LRP3: variants seen among roughly 807,000 people sequenced by gnomAD.
LRP3 encodes low-density lipoprotein receptor-related protein 3.
Under a neutral mutation model 58.5 loss-of-function variants are expected in LRP3, and 49 were observed. That is an observed-to-expected ratio of 0.84 (90% CI 0.67 to 1.06). LRP3 has a LOEUF of 1.06. LRP3 is among the 50% of genes least tolerant of loss of function. The pLI, the probability that LRP3 is intolerant of heterozygous loss-of-function variation, is 0.00. For synonymous variants in LRP3, 485 were observed against 492.2 expected (o/e 0.99, Z 0.20); for missense variants, 1,019 against 1,134.2 (o/e 0.90, Z 1.46).
intron 2 of LRP3, among the ~76,000 whole-genome samples, chr19:33,199,463 A>G (rs539402412): frequency 7.1e-6 from 1 of 140,292 alleles, no homozygotes; most frequent in Non-Finnish European, 1.6e-5. Context: ...ACAGAGCAAG[A>G]TCTTGTCTCA....
Position 33,194,706 on chromosome 19 carries a change from A to T in LRP3, c.-80A>T. ...GAGCCCGAGCCCGAGCCGCAGCCAGAGCCAGAGCCGGAGCCGCAGCCGGAA... is the reference window on the plus strand; with the variant it reads ...GAGCCCGAGCCCGAGCCGCAGCCAGTGCCAGAGCCGGAGCCGCAGCCGGAA... On this transcript the variant is annotated 5_prime_UTR_variant, in exon 1 of 7. Transcript: ENST00000253193. 1 of 395,828 alleles carries T rather than the reference A, an allele frequency of 2.5e-6. No individual in the cohort carries two copies. The highest frequency in any genetic ancestry group is 3.4e-6 in the Non-Finnish European group (1 of 291,654). The allele number at this position is 395,828 out of a possible 1,614,324, so 24.5% of individuals were successfully genotyped here.
intron 3 of LRP3, 25 bp from the exon 4 acceptor site, chr19:33,204,613 C>T: frequency 6.4e-7 from 1 of 1,553,940 alleles, no homozygotes; most frequent in Non-Finnish European, 8.8e-7. Context: ...TGCCTCATGT[C>T]TGGGTCCTCT....
chr19:33,204,937 C>T (rs1271591421), intron 4 of LRP3, 85 bp downstream of exon 4: 3 of 1,277,540 alleles, frequency 2.3e-6, no homozygotes, highest in Non-Finnish European at 3.3e-6. Context: ...GCGGCACCCT[C>T]CACAGGGCCC....
rs1210886604 is a variant in LRP3 at position 33,202,926 on chromosome 19, C to T, written c.200C>T (p.Pro67Leu). 1.6e-5 allele frequency: 25 copies of T among 1,611,930 alleles called. No homozygotes were observed. The highest frequency in any genetic ancestry group is 4.0e-5 in the African/African-American group (3 of 74,878). Residue 67 changes from proline (P) to leucine (L), a missense_variant, in exon 3 of 7, where the codon CCG becomes CTG. Coordinates refer to ENST00000253193, the MANE Select transcript of LRP3 (RefSeq NM_002333.4). ...IYSPAWPLNY[P>L]PGTNCSWYIQ... ...AGCCCGGCCTGGCCCCTCAACTACC[C>T]GCCAGGCACCAACTGCAGCTGGTAC... is the stretch of plus-strand genomic sequence containing the variant.
intron 6 of LRP3, 79 bp downstream of exon 6, chr19:33,206,812 G>T: frequency 7.0e-7 from 1 of 1,433,722 alleles, no homozygotes. Context: ...GGGGTCACAG[G>T]AGCAGGAGGC....
intron 6 of LRP3, 65 bp from the exon 7 acceptor site, chr19:33,206,923 C>A: frequency 7.8e-7 from 1 of 1,281,598 alleles, no homozygotes; most frequent in South Asian, 1.6e-5. Context: ...CTGTCTCCTG[C>A]CCCTGAGCAG....
intron 3 of LRP3, 84 bp from the exon 4 acceptor site, chr19:33,204,554 C>T: frequency 1.9e-6 from 2 of 1,026,464 alleles, no homozygotes; most frequent in Non-Finnish European, 2.9e-6. Context: ...GGCCGTGGCT[C>T]CAGCCTGACC....
At chr19:33,197,125 A>G (rs1974294234) in intron 2 of LRP3, among the ~76,000 whole-genome samples, 1 of 152,178 alleles carries the variant, frequency 6.6e-6, no homozygotes, top group Non-Finnish European at 1.5e-5. Context: ...ATTGCAGGCC[A>G]TGAGCTTCCT....
chr19:33,206,628 G>C lies in LRP3; in HGVS notation c.1620G>C (p.Leu540=), dbSNP rs1974414854. 1.2e-6 allele frequency: 2 copies of C among 1,607,494 alleles called. No individual in the cohort carries two copies. The highest frequency in any genetic ancestry group is 3.4e-5 in the Admixed American group (2 of 58,880). Residue 540 remains leucine (L), a synonymous_variant, in exon 6 of 7, where the codon CTG becomes CTC. Coordinates refer to ENST00000253193, the MANE Select transcript of LRP3 (RefSeq NM_002333.4). ...CCTTCGAGACCCAGATGACGCGCCTGGAGGCTGAGTTCGTGCGGCGGGAGG... is the reference window on the plus strand; with the variant it reads ...CCTTCGAGACCCAGATGACGCGCCTCGAGGCTGAGTTCGTGCGGCGGGAGG... The part of the protein sequence containing the change: ...YRAFETQMTR[L]EAEFVRREAP...
intron 2 of LRP3, among the ~76,000 whole-genome samples, chr19:33,202,167 G>A (rs1411851626): frequency 6.6e-6 from 1 of 152,222 alleles, no homozygotes; most frequent in Non-Finnish European, 1.5e-5. Context: ...TTGTACTCAG[G>A]ATAAAACTCA....
rs763148353 is a variant in LRP3, at chr19:33,206,696, C to T, written c.1688C>T (p.Pro563Leu). 2 of 1,547,658 alleles carry T rather than the reference C, an allele frequency of 1.3e-6. No individual in the cohort carries two copies. The highest frequency in any genetic ancestry group is 1.4e-5 in the African/African-American group (1 of 72,654). Residue 563 changes from proline (P) to leucine (L), a missense_variant, in exon 6 of 7, where the codon CCA becomes CTA. Coordinates refer to ENST00000253193, the MANE Select transcript of LRP3 (RefSeq NM_002333.4). ...YGQLIAQGLIPPVEDFPVYSA... is the reference protein window; with the variant it reads ...YGQLIAQGLILPVEDFPVYSA... ...CAGCTCATCGCCCAGGGCCTCATTC[C>T]ACCCGTGGAGGACTTTCCTGTCTAC...
intron 6 of LRP3, 120 bp from the exon 7 acceptor site, chr19:33,206,868 G>C (rs553796540): frequency 1.1e-5 from 13 of 1,195,484 alleles, no homozygotes; most frequent in Middle Eastern, 2.9e-4. Flanking sequence ...AGGTGGGGGG[G>C]GTGGACAAGG....
At chr19:33,203,546 G>C (rs1262063392) in intron 3 of LRP3, among the ~76,000 whole-genome samples, 1 of 152,240 alleles carries the variant, frequency 6.6e-6, no homozygotes, top group Non-Finnish European at 1.5e-5. Context: ...ACATGTGAAT[G>C]CATGCACGCA....
Position 33,202,973 on chromosome 19 carries a change from A to G in LRP3, c.247A>G (p.Met83Val). The change falls in exon 3 of 7, where the codon ATG (methionine) becomes GTG (valine). Residue 83 changes from methionine to valine, a missense_variant. Physicochemically the swap from Met to Val is conservative, Grantham distance 21 (BLOSUM62 1). Around this residue, in one of 2 missense-constraint regions of LRP3, gnomAD observed 592 missense variants for 725.5 expected, o/e 0.82. Coordinates refer to ENST00000253193, the MANE Select transcript of LRP3 (RefSeq NM_002333.4). Reference protein sequence around the residue: ...SWYIQGDRGDMITISFRNFDV... With the variant: ...SWYIQGDRGDVITISFRNFDV... ...GTACATCCAGGGCGACCGTGGTGAC[A>G]TGATTACCATCAGGTAGGGGCACCC... 1.2e-6 allele frequency: 2 copies of G among 1,613,272 alleles called. No homozygotes were observed. Among genetic ancestry groups the G allele is most frequent in the Non-Finnish European group, 1.7e-6 (2 of 1,179,788 alleles).
In LRP3 at chr19:33,202,884, G is replaced by C. The variant is rs568373107; in HGVS notation, c.158G>C (p.Arg53Pro). 5 of 1,611,334 alleles carry C rather than the reference G, an allele frequency of 3.1e-6. No individual in the cohort carries two copies. The highest frequency in any genetic ancestry group is 4.2e-6 in the Non-Finnish European group (5 of 1,178,960). ...GGGAAGCTGGAGCAGCACACGGAGC[G>C]GCGTGGGGTCATCTACAGCCCGGCC... ...CSGKLEQHTE[R>P]RGVIYSPAWP... The change falls in exon 3 of 7, where the codon CGG becomes CCG. Residue 53 changes from arginine to proline, a missense_variant. Arg to Pro is a moderately radical substitution (Grantham distance 103). This residue lies in a region of LRP3 where 592 missense variants were observed against 725.5 expected (regional missense o/e 0.82). Coordinates refer to ENST00000253193, the MANE Select transcript of LRP3 (RefSeq NM_002333.4).
rs1267757309 is a variant in LRP3, at chr19:33,207,114, C to T, written c.1852C>T (p.Pro618Ser). ...CCGGCTCTTTCACCGGCCGCGGGCGCCCCGAGGCCAGATCCCACTGCTGAC... is the reference window on the plus strand; with the variant it reads ...CCGGCTCTTTCACCGGCCGCGGGCGTCCCGAGGCCAGATCCCACTGCTGAC... Reference protein sequence around the residue: ...WNRLFHRPRAPRGQIPLLTAA... With the variant: ...WNRLFHRPRASRGQIPLLTAA... Residue 618 changes from proline (P) to serine (S), a missense_variant, in exon 7 of 7, where the codon CCC becomes TCC. Physicochemically the swap from Pro to Ser is moderately conservative, Grantham distance 74. Coordinates refer to ENST00000253193, the MANE Select transcript of LRP3 (RefSeq NM_002333.4). 6.5e-7 allele frequency: 1 copy of T among 1,527,356 alleles called. No individual in the cohort carries two copies. Among genetic ancestry groups the T allele is most frequent in the East Asian group, 2.5e-5 (1 of 40,362 alleles). The allele number at this position is 1,527,356 out of a possible 1,614,324, so 94.6% of individuals were successfully genotyped here. A position where few individuals can be genotyped will look rare whatever the true frequency, so the allele number is the denominator to read the frequency against.
chr19:33,200,572 GT>G (rs1387632221), intron 2 of LRP3, among the ~76,000 whole-genome samples: 3 of 152,228 alleles, frequency 2.0e-5, no homozygotes, highest in African/African-American at 7.2e-5. Flanking sequence ...AGGAATCCCA[GT>G]TCAGGACCTC....
In LRP3 at chr19:33,207,670, G is replaced by T. The variant is rs540310907; in HGVS notation, c.*95G>T. ...GCCTCTGCGTCCTTTCTTATGGAGA[G>T]GCCCTCCGGGGACCCCAGCGGAGGG... On this transcript the variant is annotated 3_prime_UTR_variant, in exon 7 of 7. Transcript: ENST00000253193. 53 of 1,005,314 alleles carry T rather than the reference G, an allele frequency of 5.3e-5. No individual in the cohort carries two copies. In the East Asian group the frequency reaches 1.1e-3, roughly 21 times the overall value. The allele number at this position is 1,005,314 out of a possible 1,614,324, so 62.3% of individuals were successfully genotyped here.
chr19:33,206,565 A>G, intron 5 of LRP3, 36 bp from the exon 6 acceptor site: 1 of 1,597,628 alleles, frequency 6.3e-7, no homozygotes, highest in South Asian at 1.1e-5. Context: ...GGTCCCGGGC[A>G]GCCCAGTCAT....
Sources: gnomAD v4.1 joint callset for allele counts (sites outside exome capture counted in the v4.1 genomes callset) on GRCh38, gnomAD v4.1.1 for gene constraint, gnomAD v4.1.1 regional missense constraint, MANE v1.5 for transcripts, NCBI Gene and HGNC (gene_info 2026-07-23, HGNC 2026-07-21) for gene names.